The following PLXNB2 variants were observed in gnomAD, a reference collection of about 807,000 sequenced individuals.
PLXNB2 encodes plexin-B2.
PLXNB2 carries 85 observed loss-of-function variants against 202.6 expected under a neutral mutation model. The ratio of observed to expected loss-of-function variants is 0.42; its 90% CI spans 0.35 to 0.50. The LOEUF is 0.50. PLXNB2 is among the 20% of genes least tolerant of loss of function. The probability of loss-of-function intolerance (pLI) is 0.02; values close to 1 mark genes in which losing one functional copy is unlikely to be tolerated. For missense variants in PLXNB2, 2,063 were observed against 2,586.2 expected (o/e 0.80, Z 4.39); for synonymous variants, 1,239 against 1,137.6 (o/e 1.09, Z -1.79).
In PLXNB2 at chr22:50,280,831, C is replaced by T. The variant is rs2147368755; in HGVS notation, c.3906G>A (p.Leu1302=). The change falls in exon 24 of 37, where the codon CTG becomes CTA. Residue 1302 remains leucine, a synonymous_variant. Transcript: ENST00000359337. ...GDKDVMITGK[L]DIPEPRRPVV... ...CCGGCCGCCGCGGCTCAGGGATGTC[C>T]AGCTTGCCGGTGATCATCACGTCCT... is the stretch of plus-strand genomic sequence containing the variant. 6.2e-7 allele frequency: 1 copy of T among 1,613,342 alleles called. No homozygotes were observed. The highest frequency in any genetic ancestry group is 1.6e-4 in the Middle Eastern group (1 of 6,062).
Position 50,279,006 on chromosome 22 carries a change from C to T in PLXNB2, c.4395G>A (p.Val1465=). The change falls in exon 28 of 37, where the codon GTG becomes GTA. Residue 1465 remains valine (V), a synonymous_variant. Coordinates refer to ENST00000359337, the MANE Select transcript of PLXNB2 (RefSeq NM_012401.4). ...GDDVEYAPLT[V]SVIVQDEGVD... Reference sequence around the variant, plus strand: ...CTCCCTCGTCCTGCACGATCACGCTCACCGTCTGCCGAGACATCCGGGATG... The same window carrying T: ...CTCCCTCGTCCTGCACGATCACGCTTACCGTCTGCCGAGACATCCGGGATG... 1 of 1,605,594 alleles carries T rather than the reference C, an allele frequency of 6.2e-7. No individual in the cohort carries two copies. The highest frequency in any genetic ancestry group is 8.5e-7 in the Non-Finnish European group (1 of 1,174,912).
chr22:50,284,349 G>C lies in PLXNB2; in HGVS notation c.2182-136C>G. The C allele has an allele frequency of 1.3e-5, 11 of 855,048 alleles. No homozygotes were observed. Among genetic ancestry groups the C allele is most frequent in the Non-Finnish European group, 2.1e-5 (11 of 523,632 alleles). The allele number at this position is 855,048 out of a possible 1,614,324, so 53.0% of individuals were successfully genotyped here. A position where few individuals can be genotyped will look rare whatever the true frequency, so the allele number is the denominator to read the frequency against. On this transcript the variant is annotated intron_variant, in intron 12 of 36. Coordinates refer to ENST00000359337, the MANE Select transcript of PLXNB2 (RefSeq NM_012401.4). The surrounding 1 kb of genome is among the most constrained non-coding windows in gnomAD (Gnocchi z 8.0). ...CAGCAGGGGAGGCCTTCAGGTGTCG[G>C]AAGTTCGGGAACCCCATGGACGCTG...
intron 1 of PLXNB2, among the ~76,000 whole-genome samples, chr22:50,298,288 C>T (rs767392699): frequency 1.3e-5 from 2 of 152,254 alleles, no homozygotes; most frequent in African/African-American, 2.4e-5. Flanking sequence ...TGGGCCTCCC[C>T]TCTACAACCT....
At chr22:50,283,269 A>T in intron 16 of PLXNB2, 68 bp downstream of exon 16, 1 of 1,606,838 alleles carries the variant, frequency 6.2e-7, no homozygotes, top group Non-Finnish European at 8.5e-7. Context: ...TGTCGTGGGG[A>T]GGCGGCGGGC....
rs774179149 is a variant in PLXNB2 at position 50,280,566 on chromosome 22, C to T, written c.4098G>A (p.Thr1366=). ...VALHGKLEYY[T]DIMHTLFLEL... is the part of the protein sequence containing the mutation. ...CCAGGAAGAGCGTGTGCATGATGTC[C>T]GTGTAGTACTCCAGTTTCCCGTGCA... The change falls in exon 25 of 37, where the codon ACG becomes ACA. Residue 1366 remains threonine, a synonymous_variant. Transcript: ENST00000359337. The T allele has an allele frequency of 1.6e-5, 25 of 1,612,178 alleles. No homozygotes were observed. Among genetic ancestry groups the T allele is most frequent in the Non-Finnish European group, 2.0e-5 (24 of 1,179,852 alleles).
chr22:50,294,258 G>A (rs879677494), intron 2 of PLXNB2, among the ~76,000 whole-genome samples: 1 of 152,264 alleles, frequency 6.6e-6, no homozygotes, highest in East Asian at 1.9e-4. Context: ...GCTGAAGCTC[G>A]GAGGGGCACT....
rs143713439 is a variant in PLXNB2 at position 50,303,524 on chromosome 22, C to T, written c.-74+4029G>A. On this transcript the variant is annotated intron_variant, in intron 1 of 36. Coordinates refer to ENST00000359337, the MANE Select transcript of PLXNB2 (RefSeq NM_012401.4). ...CTACACAAGGCTCGTGGGCAGGAAC[C>T]GTCCCAGCCACAGGAGCAGACGCCC... is the stretch of plus-strand genomic sequence containing the variant. Among the ~76,000 whole-genome samples the T allele has an allele frequency of 9.4e-3, 1,432 of 152,330 alleles. 8 individuals are homozygous for T. Among genetic ancestry groups the T allele is most frequent in the South Asian group, 0.016 (75 of 4,828 alleles).
At position 50,284,225 on chromosome 22, in the gene PLXNB2, G is replaced by A. The variant is rs533845745; in HGVS notation, c.2182-12C>T. The A allele has an allele frequency of 2.4e-5, 38 of 1,611,662 alleles. No individual in the cohort carries two copies. Among genetic ancestry groups the A allele is most frequent in the African/African-American group, 1.3e-4 (10 of 74,990 alleles). ...GCATCGTGGGACAGCTGGGGGACAC[G>A]CAGGGGCACACTGCACTTCCTGCCC... On this transcript the variant is annotated splice_polypyrimidine_tract_variant and intron_variant, in intron 12 of 36. Transcript: ENST00000359337. This position sits in a 1 kb window ranked among gnomAD's most constrained non-coding sequence, Gnocchi z 8.0.
chr22:50,280,999 C>T, intron 23 of PLXNB2, 26 bp from the exon 24 acceptor site: 1 of 1,608,278 alleles, frequency 6.2e-7, no homozygotes, highest in Non-Finnish European at 8.5e-7. Flanking sequence ...CGTGAGACGT[C>T]CCTGGCCACG....
intron 30 of PLXNB2, 35 bp from the exon 31 acceptor site, chr22:50,278,306 G>A (rs745816119): frequency 1.2e-6 from 2 of 1,607,590 alleles, no homozygotes; most frequent in South Asian, 2.2e-5. Context: ...CCCCTACCCA[G>A]GTCTGGGGGC....
At chr22:50,302,278 C>G (rs2067732721) in intron 1 of PLXNB2, among the ~76,000 whole-genome samples, 1 of 152,142 alleles carries the variant, frequency 6.6e-6, no homozygotes, top group Non-Finnish European at 1.5e-5. Context: ...ACACTCAGGG[C>G]TTTGGGAGGC....
Position 50,284,684 on chromosome 22 carries a change from G to A in PLXNB2, c.2089-19C>T, listed in dbSNP as rs779096651. On this transcript the variant is annotated intron_variant, in intron 11 of 36. Coordinates refer to ENST00000359337, the MANE Select transcript of PLXNB2 (RefSeq NM_012401.4). This position sits in a 1 kb window ranked among gnomAD's most constrained non-coding sequence, Gnocchi z 8.0. ...AGGAACCCTGCAGACCATGCCGTCAGGACCCTGGACAGGCGGCTGTGGCAC... is the reference window on the plus strand; with the variant it reads ...AGGAACCCTGCAGACCATGCCGTCAAGACCCTGGACAGGCGGCTGTGGCAC... The A allele has an allele frequency of 6.3e-7, 1 of 1,598,404 alleles. No homozygotes were observed.
At position 50,283,392 on chromosome 22, in the gene PLXNB2, A is replaced by C. The variant is rs1217878121; in HGVS notation, c.2624T>G (p.Val875Gly). The change falls in exon 16 of 37, where the codon GTG becomes GGG. Residue 875 changes from valine to glycine, a missense_variant. Val to Gly is a moderately radical substitution (Grantham distance 109). This residue lies in a region of PLXNB2 where 1,303 missense variants were observed against 1,476.8 expected (regional missense o/e 0.88). Transcript: ENST00000359337. ...AETPFTGGVEVDVFGKLGRSP... is the reference protein window; with the variant it reads ...AETPFTGGVEGDVFGKLGRSP... Reference sequence around the variant, plus strand: ...ACGGCCCAGTTTCCCGAAGACGTCCACCTCGACACCCCCCGTGAAAGGCGT... The same window carrying C: ...ACGGCCCAGTTTCCCGAAGACGTCCCCCTCGACACCCCCCGTGAAAGGCGT... 6.2e-7 allele frequency: 1 copy of C among 1,613,038 alleles called. No homozygotes were observed. Among genetic ancestry groups the C allele is most frequent in the Non-Finnish European group, 8.5e-7 (1 of 1,179,912 alleles).
chr22:50,278,310 TG>T, intron 30 of PLXNB2, 39 bp from the exon 31 acceptor site: 3 of 1,602,388 alleles, frequency 1.9e-6, no homozygotes, highest in Non-Finnish European at 2.6e-6. Flanking sequence ...TACCCAGGTC[TG>T]GGGGCCTGGG....
Position 50,286,326 on chromosome 22 carries a change from G to A in PLXNB2, c.1763-39C>T, listed in dbSNP as rs376555966. Reference sequence around the variant, plus strand: ...AGGGGGAGGTGTCAAGGTGGCGGCCGCAGGGCCGAGGGCCAGGCTGGGCCT... The same window carrying A: ...AGGGGGAGGTGTCAAGGTGGCGGCCACAGGGCCGAGGGCCAGGCTGGGCCT... On this transcript the variant is annotated intron_variant, in intron 8 of 36. Coordinates refer to ENST00000359337, the MANE Select transcript of PLXNB2 (RefSeq NM_012401.4). 2.2e-5 allele frequency: 32 copies of A among 1,482,658 alleles called. No individual in the cohort carries two copies. In the African/African-American group the frequency reaches 2.5e-4, roughly 12 times the overall value. The allele number at this position is 1,482,658 out of a possible 1,614,324, so 91.8% of individuals were successfully genotyped here.
chr22:50,284,025 G>A lies in PLXNB2; in HGVS notation c.2264-35C>T. ...GAGCTGCCGTCAGTGGTCACCCCGT[G>A]CCTGCCCGCCCCCGACCTGCTCCCC... On this transcript the variant is annotated intron_variant, in intron 13 of 36. Transcript: ENST00000359337. The surrounding 1 kb of genome is among the most constrained non-coding windows in gnomAD (Gnocchi z 8.0). 2 of 1,526,060 alleles carry A rather than the reference G, an allele frequency of 1.3e-6. No homozygotes were observed. Among genetic ancestry groups the A allele is most frequent in the Non-Finnish European group, 1.8e-6 (2 of 1,140,188 alleles). The allele number at this position is 1,526,060 out of a possible 1,614,324, so 94.5% of individuals were successfully genotyped here.
chr22:50,284,261 G>A lies in PLXNB2; in HGVS notation c.2182-48C>T. The A allele has an allele frequency of 2.6e-6, 4 of 1,558,114 alleles. No individual in the cohort carries two copies. The highest frequency in any genetic ancestry group is 3.5e-6 in the Non-Finnish European group (4 of 1,131,500). On this transcript the variant is annotated intron_variant, in intron 12 of 36. Coordinates refer to ENST00000359337, the MANE Select transcript of PLXNB2 (RefSeq NM_012401.4). The surrounding 1 kb of genome is among the most constrained non-coding windows in gnomAD (Gnocchi z 8.0). Reference sequence around the variant, plus strand: ...CTGCACTTCCTGCCCCCACAGAGGGGCGTGGGGCGGGGGTCACAAGGGCAG... The same window carrying A: ...CTGCACTTCCTGCCCCCACAGAGGGACGTGGGGCGGGGGTCACAAGGGCAG...
Position 50,287,760 on chromosome 22 carries a change from C to T in PLXNB2, c.1515G>A (p.Glu505=), listed in dbSNP as rs764221280. Residue 505 remains glutamate (E), a synonymous_variant, in exon 7 of 37, where the codon GAG becomes GAA. Coordinates refer to ENST00000359337, the MANE Select transcript of PLXNB2 (RefSeq NM_012401.4). ...CTRKAECPRA[E]EASHWLWSRS... is the part of the protein sequence containing the mutation. ...GGCTCCACAGCCAGTGGCTGGCCTC[C>T]TCGGCCCGCGGACACTCGGCCTTCC... is the stretch of plus-strand genomic sequence containing the variant. 1.0e-5 allele frequency: 16 copies of T among 1,579,748 alleles called. No homozygotes were observed. The African/African-American group carries it at 2.1e-4, about 21-fold the overall frequency.
intron 6 of PLXNB2, 68 bp downstream of exon 6, chr22:50,287,869 C>T (rs1052926821): frequency 2.5e-5 from 39 of 1,590,498 alleles, no homozygotes; most frequent in East Asian, 6.8e-5. Flanking sequence ...ATGTGCCCCC[C>T]GACCCAGGCC....
Sources: gnomAD v4.1 joint callset for allele counts (sites outside exome capture counted in the v4.1 genomes callset) on GRCh38, gnomAD v4.1.1 for gene constraint, gnomAD v4.1.1 regional missense constraint, Gnocchi (gnomAD v3.1) non-coding constraint, MANE v1.5 for transcripts, NCBI Gene and HGNC (gene_info 2026-07-23, HGNC 2026-07-21) for gene names.